Variants in TAF5L observed in about 807,000 individuals in gnomAD.
TAF5L encodes TATA-box binding protein associated factor 5 like, also known as TAF5-like RNA polymerase II p300/CBP-associated factor-associated factor 65 kDa subunit 5L.
Under a neutral mutation model 51.3 loss-of-function variants are expected in TAF5L, and 7 were observed. That is an observed-to-expected ratio of 0.14 (90% CI 0.08 to 0.26). The LOEUF is 0.26. TAF5L is among the 10% of genes least tolerant of loss of function. The pLI is 1.00. For missense variants in TAF5L, 575 were observed against 758.9 expected (o/e 0.76, Z 2.85); for synonymous variants, 291 against 308.1 (o/e 0.94, Z 0.58).
At chr1:229,615,469 T>A (rs1664946015) in intron 1 of TAF5L, among the ~76,000 whole-genome samples, 1 of 152,132 alleles carries the variant, frequency 6.6e-6, no homozygotes. Context: ...AGCACAACAC[T>A]AAGAGGGTAT....
At chr1:229,618,238 A>C (rs1282029051) in intron 1 of TAF5L, among the ~76,000 whole-genome samples, 1 of 152,224 alleles carries the variant, frequency 6.6e-6, no homozygotes, top group Non-Finnish European at 1.5e-5. Flanking sequence ...TAATTATAAA[A>C]TCTTTCAAAC....
chr1:229,626,051 A>ATGAC (rs1665453115), upstream of TAF5L: 1 of 150,798 alleles, frequency 6.6e-6, no homozygotes, highest in African/African-American at 2.4e-5. Context: ...CGGCCGCTCC[A>ATGAC]TGACTGACTG....
chr1:229,604,155 C>T (rs1571837922), intron 3 of TAF5L, among the ~76,000 whole-genome samples: 1 of 145,714 alleles, frequency 6.9e-6, no homozygotes, highest in African/African-American at 2.5e-5. Context: ...TTTAAGTCAG[C>T]ACTTATGTTC....
chr1:229,601,919 G>T, intron 4 of TAF5L: 1 of 1,206,654 alleles, frequency 8.3e-7, no homozygotes, highest in Non-Finnish European at 1.0e-6. Flanking sequence ...ATTAGCTAAA[G>T]GTCTTTCATT....
At chr1:229,604,944 CTT>C (rs1306161789) in intron 3 of TAF5L, among the ~76,000 whole-genome samples, 8 of 152,094 alleles carry the variant, frequency 5.3e-5, no homozygotes, top group African/African-American at 1.7e-4. Context: ...GGATTACTGA[CTT>C]TATTTTTTTG....
At position 229,622,389 on chromosome 1, in the gene TAF5L, C is replaced by T. The variant is rs191538783; in HGVS notation, c.-4+3496G>A. ...AAACATGAGACTTTTGGGGGAAAAC[C>T]TTGCTTGTGATCAAGCATATACAAT... On this transcript the variant is annotated intron_variant, in intron 1 of 4. Transcript: ENST00000258281. 3.3e-5 allele frequency among the ~76,000 whole-genome samples: 5 copies of T among 152,122 alleles called. No individual in the cohort carries two copies. The East Asian group carries it at 7.7e-4, about 24-fold the overall frequency.
intron 4 of TAF5L, among the ~76,000 whole-genome samples, chr1:229,596,213 G>T (rs1664119097): frequency 6.6e-6 from 1 of 152,158 alleles, no homozygotes; most frequent in South Asian, 2.1e-4. Flanking sequence ...AGTTGAAGTT[G>T]CAGTGAACTG....
At chr1:229,617,343 C>A (rs2102763617) in intron 1 of TAF5L, among the ~76,000 whole-genome samples, 1 of 152,344 alleles carries the variant, frequency 6.6e-6, no homozygotes, top group Non-Finnish European at 1.5e-5. Flanking sequence ...GGCCCAAAGT[C>A]AAGACGAGTC....
At chr1:229,614,320 C>T (rs778398175) in intron 2 of TAF5L, 21 bp downstream of exon 2, 3 of 1,614,212 alleles carry the variant, frequency 1.9e-6, no homozygotes, top group Non-Finnish European at 2.5e-6. Context: ...CTCACCCCAC[C>T]AGACGAGCCC....
intron 3 of TAF5L, among the ~76,000 whole-genome samples, chr1:229,605,654 C>T (rs970714453): frequency 1.6e-4 from 24 of 151,610 alleles, no homozygotes; most frequent in African/African-American, 5.6e-4. Flanking sequence ...AGTCAGTAGA[C>T]TTTGAGTAAA....
chr1:229,619,305 T>A (rs1420209175), intron 1 of TAF5L, among the ~76,000 whole-genome samples: 2 of 152,206 alleles, frequency 1.3e-5, no homozygotes, highest in East Asian at 3.8e-4. Flanking sequence ...TCATATAATT[T>A]AAAAATTATG....
At chr1:229,601,858 A>G in intron 4 of TAF5L, 1 of 1,060,960 alleles carries the variant, frequency 9.4e-7, no homozygotes, top group African/African-American at 1.7e-5. Flanking sequence ...ACCTGAGCAA[A>G]TGTGCACACA....
chr1:229,623,365 G>C (rs899387354), intron 1 of TAF5L, among the ~76,000 whole-genome samples: 1 of 152,226 alleles, frequency 6.6e-6, no homozygotes, highest in African/African-American at 2.4e-5. Flanking sequence ...GTCATTTCCA[G>C]GTTGCTCTAA....
intron 2 of TAF5L, 144 bp downstream of exon 2, chr1:229,614,193 ATCAT>A: frequency 7.7e-7 from 1 of 1,298,746 alleles, no homozygotes; most frequent in Non-Finnish European, 1.1e-6. Flanking sequence ...TGAGGCCAAC[ATCAT>A]TCACTTAACG....
At chr1:229,612,039 C>T (rs1664810244) in intron 2 of TAF5L, among the ~76,000 whole-genome samples, 1 of 152,200 alleles carries the variant, frequency 6.6e-6, no homozygotes, top group Non-Finnish European at 1.5e-5. Context: ...ACTTACCTGC[C>T]TCACTTCCCA....
rs116463541 is a variant in TAF5L at position 229,603,608 on chromosome 1, G to A, written c.248-689C>T. On this transcript the variant is annotated intron_variant, in intron 3 of 4. Transcript: ENST00000258281. ...TCAGCATATTCATTCTGATTTTGTT[G>A]GTTAACAAGTTAAATTCTCTTTTGC... Among the ~76,000 whole-genome samples the A allele has an allele frequency of 3.8e-3, 577 of 152,212 alleles. 4 individuals are homozygous for A. Among genetic ancestry groups the A allele is most frequent in the African/African-American group, 0.013 (558 of 41,528 alleles).
chr1:229,626,014 C>G (rs1665449894), exon 1 of TAF5L: 1 of 150,236 alleles, frequency 6.7e-6, no homozygotes, highest in African/African-American at 2.4e-5. Context: ...GCGCCCCGCG[C>G]CCCGCCGCCC....
At position 229,602,429 on chromosome 1, in the gene TAF5L, A is replaced by C; in HGVS notation, c.738T>G (p.Ile246Met). 2 of 1,614,114 alleles carry C rather than the reference A, an allele frequency of 1.2e-6. No individual in the cohort carries two copies. The highest frequency in any genetic ancestry group is 1.1e-5 in the South Asian group (1 of 91,086). The change falls in exon 4 of 5, where the codon ATT becomes ATG. Residue 246 changes from isoleucine to methionine, a missense_variant. Coordinates refer to ENST00000258281, the Ensembl canonical transcript of TAF5L. The surrounding 1 kb of genome is among the most constrained non-coding windows in gnomAD (Gnocchi z 4.6). ...AGGGAGGCCCATCCTTGACTCGCTT[A>C]ATGCTCTCCTGTAAGACCTCTAGGG...
intron 4 of TAF5L, 53 bp from the exon 5 acceptor site, chr1:229,595,147 T>C (rs1664072611): frequency 2.0e-6 from 3 of 1,515,184 alleles, no homozygotes; most frequent in Admixed American, 4.3e-5. Flanking sequence ...AAATGTTCAG[T>C]GGTCTGACAA....
Sources: allele counts gnomAD v4.1 joint callset (sites outside exome capture counted in the v4.1 genomes callset), GRCh38; gene constraint gnomAD v4.1.1; non-coding constraint Gnocchi (gnomAD v3.1); transcripts MANE v1.5; gene names NCBI Gene and HGNC (gene_info 2026-07-23, HGNC 2026-07-21).